SND1: variants seen among roughly 807,000 people sequenced by gnomAD.
SND1 encodes staphylococcal nuclease and tudor domain containing 1, also known as staphylococcal nuclease domain-containing protein 1.
A neutral mutation model predicts 121.7 loss-of-function variants in SND1; 38 were observed. The observed-to-expected ratio is 0.31, with a 90% CI of 0.24 to 0.41. The LOEUF is 0.41. Among genes scored for constraint, SND1 ranks in the 10% least tolerant of loss-of-function variants. The pLI is 1.00. For missense variants in SND1, 868 were observed against 1,184.6 expected, an observed-to-expected ratio of 0.73 and a Z score of 3.92; for synonymous variants, 401 against 447.4, an observed-to-expected ratio of 0.90 and a Z score of 1.31.
At chr7:127,720,632 G>T (rs1375807402) in intron 9 of SND1, among the ~76,000 whole-genome samples, 3 of 152,134 alleles carry the variant, frequency 2.0e-5, no homozygotes, top group Non-Finnish European at 4.4e-5. Context: ...CTGAGCGTGG[G>T]GTTCTGTGTT....
At chr7:127,707,446 C>A in intron 8 of SND1, 111 bp from the exon 9 acceptor site, 1 of 727,114 alleles carries the variant, frequency 1.4e-6, no homozygotes, top group South Asian at 1.8e-5. Flanking sequence ...AGTCTTTCTT[C>A]TGGATACATC....
At chr7:128,091,507 G>A (rs1191422320) in intron 22 of SND1, among the ~76,000 whole-genome samples, 4 of 152,066 alleles carry the variant, frequency 2.6e-5, no homozygotes, top group Admixed American at 6.5e-5. Flanking sequence ...ACCACACCTG[G>A]CCTAGGTTGT....
At position 127,794,095 on chromosome 7, in the gene SND1, G is replaced by A. The variant is rs189729311; in HGVS notation, c.1153-13389G>A. 2.3e-3 allele frequency among the ~76,000 whole-genome samples: 345 copies of A among 152,308 alleles called. 1 individual carries two copies. Among genetic ancestry groups the A allele is most frequent in the Non-Finnish European group, 2.9e-3 (194 of 68,016 alleles). On this transcript the variant is annotated intron_variant, in intron 10 of 23. Transcript: ENST00000354725. ...GTTGAAGTTTTCTGATTGATGTCAA[G>A]TAGACTGTAAAGTAAAAGAAAGTCA...
intron 15 of SND1, among the ~76,000 whole-genome samples, chr7:127,947,489 G>C (rs1393552243): frequency 1.3e-5 from 2 of 152,204 alleles, no homozygotes; most frequent in Non-Finnish European, 2.9e-5. Flanking sequence ...GAGAATATCA[G>C]TGTTTTCGTG....
intron 1 of SND1, among the ~76,000 whole-genome samples, chr7:127,657,434 C>T (rs1795231287): frequency 1.3e-5 from 2 of 152,164 alleles, no homozygotes; most frequent in African/African-American, 4.8e-5. Flanking sequence ...GAAGGGCGTT[C>T]CTGGCCGAGG....
chr7:127,703,743 A>C (rs1796144391), intron 7 of SND1, among the ~76,000 whole-genome samples: 1 of 152,212 alleles, frequency 6.6e-6, no homozygotes, highest in South Asian at 2.1e-4. Context: ...TATTATTAAT[A>C]TCTGCTGATT....
intron 15 of SND1, among the ~76,000 whole-genome samples, chr7:127,935,273 A>G (rs903818083): frequency 1.3e-5 from 2 of 152,250 alleles, no homozygotes; most frequent in African/African-American, 4.8e-5. Flanking sequence ...TGAAGGTAAC[A>G]TTCCGAGGAT....
At chr7:127,823,291 C>A (rs1798582623) in intron 11 of SND1, among the ~76,000 whole-genome samples, 1 of 152,134 alleles carries the variant, frequency 6.6e-6, no homozygotes. Flanking sequence ...TTTAGGAAGT[C>A]TTTTTCCCTC....
intron 15 of SND1, among the ~76,000 whole-genome samples, chr7:127,973,351 C>T (rs1802043189): frequency 6.6e-6 from 1 of 152,154 alleles, no homozygotes; most frequent in Non-Finnish European, 1.5e-5. Context: ...GCACAGAGAG[C>T]AAATGATTGC....
At chr7:127,996,664 G>A (rs937714091) in intron 16 of SND1, among the ~76,000 whole-genome samples, 4 of 152,140 alleles carry the variant, frequency 2.6e-5, no homozygotes, top group Admixed American at 2.6e-4. Flanking sequence ...CGGCCATGTC[G>A]CTTGGGAACC....
At chr7:127,882,386 G>A (rs1799808328) in intron 12 of SND1, among the ~76,000 whole-genome samples, 1 of 140,228 alleles carries the variant, frequency 7.1e-6, no homozygotes, top group Admixed American at 7.1e-5. Context: ...GAGGGAGGAA[G>A]GGAGGGAGGG....
intron 10 of SND1, among the ~76,000 whole-genome samples, chr7:127,787,163 C>T (rs1329545854): frequency 6.6e-6 from 1 of 152,218 alleles, no homozygotes; most frequent in Non-Finnish European, 1.5e-5. Flanking sequence ...TCATTGTCAT[C>T]TGCTCATTGG....
At chr7:127,760,345 C>T (rs1262662422) in intron 10 of SND1, among the ~76,000 whole-genome samples, 2 of 152,138 alleles carry the variant, frequency 1.3e-5, no homozygotes, top group African/African-American at 4.8e-5. Flanking sequence ...GTATTTAGTT[C>T]TCTGTTTGAA....
At chr7:127,839,215 G>A (rs1298301012) in intron 11 of SND1, among the ~76,000 whole-genome samples, 1 of 152,128 alleles carries the variant, frequency 6.6e-6, no homozygotes, top group Non-Finnish European at 1.5e-5. Context: ...GTGCGTAGAG[G>A]CTTTCCATAA....
At chr7:127,881,673 C>T (rs1685023386) in intron 12 of SND1, among the ~76,000 whole-genome samples, 1 of 152,148 alleles carries the variant, frequency 6.6e-6, no homozygotes, top group African/African-American at 2.4e-5. Flanking sequence ...TTGAAAAGCT[C>T]GCTCTGCCCC....
chr7:128,009,529 A>G (rs1436922622), intron 16 of SND1, among the ~76,000 whole-genome samples: 1 of 152,254 alleles, frequency 6.6e-6, no homozygotes, highest in Non-Finnish European at 1.5e-5. Flanking sequence ...CCAGTACAGT[A>G]GCCACGTAAT....
intron 16 of SND1, among the ~76,000 whole-genome samples, chr7:128,051,791 T>A (rs1053774994): frequency 5.3e-5 from 8 of 152,220 alleles, no homozygotes; most frequent in Non-Finnish European, 1.2e-4. Flanking sequence ...ACTTGTGTAC[T>A]TACTGTTGCT....
rs1261746379 is a variant in SND1 at position 127,747,588 on chromosome 7, G to GT, written c.1152+26195dup. On this transcript the variant is annotated intron_variant, in intron 10 of 23. Transcript: ENST00000354725. ...CCTGGAAGATCCTTTAGAAAAAATT[G>GT]TTTTTTTCTACTGACAGGAGTTATC... 7.9e-5 allele frequency among the ~76,000 whole-genome samples: 12 copies of GT among 152,172 alleles called. No homozygotes were observed. In the East Asian group the frequency reaches 1.9e-3, roughly 25 times the overall value.
chr7:127,840,665 A>G (rs1434705769), intron 11 of SND1, among the ~76,000 whole-genome samples: 1 of 152,200 alleles, frequency 6.6e-6, no homozygotes. Flanking sequence ...CAAGTGATTG[A>G]CAGGTCAGTG....
Sources: gnomAD v4.1 joint callset for allele counts (sites outside exome capture counted in the v4.1 genomes callset) on GRCh38, gnomAD v4.1.1 for gene constraint, MANE v1.5 for transcripts, NCBI Gene and HGNC (gene_info 2026-07-23, HGNC 2026-07-21) for gene names.